Variants in CMKLR1 observed in about 807,000 individuals in gnomAD.
CMKLR1 encodes the protein chemerin-like receptor 1.
Under a neutral mutation model 8.2 loss-of-function variants are expected in CMKLR1, and 6 were observed. The observed-to-expected ratio is 0.73, with a 90% confidence interval of 0.40 to 1.44. CMKLR1 has a LOEUF of 1.44. CMKLR1 is among the 40% of genes most tolerant of loss of function. The pLI is 0.02. For synonymous variants in CMKLR1, 178 were observed against 181.2 expected (o/e 0.98, Z 0.14); for missense variants, 429 against 478.0 (o/e 0.90, Z 0.96).
In CMKLR1 at chr12:108,332,905, T is replaced by A. The variant is rs182230370; in HGVS notation, c.-286-2698A>T. 2.3e-3 allele frequency among the ~76,000 whole-genome samples: 351 copies of A among 151,868 alleles called. 2 individuals are homozygous for A. The highest frequency in any genetic ancestry group is 4.2e-3 in the Non-Finnish European group (285 of 67,968). Reference sequence around the variant, plus strand: ...GGGAGGATTACTTAAGCCCCAGAGGTCGAGGCTGCAAATGAGCTGTGATCA... The same window carrying A: ...GGGAGGATTACTTAAGCCCCAGAGGACGAGGCTGCAAATGAGCTGTGATCA... On this transcript the variant is annotated intron_variant, in intron 1 of 3. Transcript: ENST00000550402.
Position 108,289,194 on chromosome 12 carries a change from G to A in CMKLR1, c.*2647C>T, listed in dbSNP as rs183442423. 2.0e-5 allele frequency: 3 copies of A among 152,378 alleles called. No homozygotes were observed. Among genetic ancestry groups the A allele is most frequent in the East Asian group, 3.9e-4 (2 of 5,170 alleles). 9.4% of individuals were successfully genotyped at this position (152,378 alleles called of 1,614,324 possible). On this transcript the variant is annotated 3_prime_UTR_variant, in exon 4 of 4. Coordinates refer to ENST00000550402, the MANE Select transcript of CMKLR1 (RefSeq NM_001142343.2). ...TCAGCTCCCCCACCCCACCCAGGAG[G>A]CAGGGCTAAGTAAGGCCCCATCACT... is the stretch of plus-strand genomic sequence containing the variant.
At chr12:108,314,959 C>T (rs1343709103) in intron 2 of CMKLR1, among the ~76,000 whole-genome samples, 3 of 112,178 alleles carry the variant, frequency 2.7e-5, no homozygotes, top group East Asian at 2.8e-4. Flanking sequence ...TTTTTTGAGA[C>T]GGAGTTTTGC....
At chr12:108,323,401 G>A (rs572863912) in intron 2 of CMKLR1, among the ~76,000 whole-genome samples, 3 of 151,880 alleles carry the variant, frequency 2.0e-5, no homozygotes, top group African/African-American at 7.2e-5. Context: ...GTAAAAATGT[G>A]GACACAGGCT....
chr12:108,294,321 A>T (rs1249902507), intron 2 of CMKLR1, among the ~76,000 whole-genome samples: 1 of 152,184 alleles, frequency 6.6e-6, no homozygotes, highest in Non-Finnish European at 1.5e-5. Context: ...AAATATATCC[A>T]CTGAGCCTCC....
intron 2 of CMKLR1, among the ~76,000 whole-genome samples, chr12:108,295,225 A>G (rs1156765169): frequency 6.6e-6 from 1 of 152,242 alleles, no homozygotes; most frequent in Non-Finnish European, 1.5e-5. Flanking sequence ...GTCTCACTTT[A>G]ACCCCATAAG....
chr12:108,316,767 C>T (rs1288014764), intron 2 of CMKLR1, among the ~76,000 whole-genome samples: 2 of 152,152 alleles, frequency 1.3e-5, no homozygotes, highest in African/African-American at 4.8e-5. Flanking sequence ...CAGGGAGCTA[C>T]GGGCAAGGTG....
intron 1 of CMKLR1, among the ~76,000 whole-genome samples, chr12:108,330,835 G>C (rs559890700): frequency 1.3e-5 from 2 of 152,256 alleles, no homozygotes; most frequent in East Asian, 3.9e-4. Context: ...AGCTGAATGG[G>C]GGCTGCAGGC....
rs148180506 is a variant in CMKLR1 at position 108,313,713 on chromosome 12, T to C, written c.-74+16282A>G. Among the ~76,000 whole-genome samples, 90 of 152,334 alleles carry C rather than the reference T, an allele frequency of 5.9e-4. 1 individual carries two copies. The highest frequency in any genetic ancestry group is 2.1e-3 in the African/African-American group (88 of 41,588). On this transcript the variant is annotated intron_variant, in intron 2 of 3. Coordinates refer to ENST00000550402, the MANE Select transcript of CMKLR1 (RefSeq NM_001142343.2). Reference sequence around the variant, plus strand: ...ATGAAGAGACTGGCTCAAACAAACATGCCCTTTGGCTGTTATGTTTAAAGA... The same window carrying C: ...ATGAAGAGACTGGCTCAAACAAACACGCCCTTTGGCTGTTATGTTTAAAGA...
chr12:108,328,073 T>C (rs1345921091), intron 2 of CMKLR1, among the ~76,000 whole-genome samples: 1 of 151,898 alleles, frequency 6.6e-6, no homozygotes, highest in Admixed American at 6.6e-5. Flanking sequence ...CCTGATTTCC[T>C]TCACATCTGA....
intron 2 of CMKLR1, among the ~76,000 whole-genome samples, chr12:108,303,262 G>A (rs1438612643): frequency 6.6e-6 from 1 of 152,226 alleles, no homozygotes; most frequent in Non-Finnish European, 1.5e-5. Context: ...CCTGCTGGGG[G>A]TGGGATGGTC....
intron 2 of CMKLR1, among the ~76,000 whole-genome samples, chr12:108,315,427 T>G (rs1394525874): frequency 6.6e-6 from 1 of 152,184 alleles, no homozygotes; most frequent in African/African-American, 2.4e-5. Context: ...AGTGCCCCAG[T>G]CAGGACAATA....
At chr12:108,295,485 C>G (rs1891109757) in intron 2 of CMKLR1, among the ~76,000 whole-genome samples, 2 of 152,216 alleles carry the variant, frequency 1.3e-5, no homozygotes, top group South Asian at 4.1e-4. Context: ...TTACTAGGGT[C>G]CCTTCCCAAA....
At chr12:108,334,832 C>T (rs969972359) in intron 1 of CMKLR1, among the ~76,000 whole-genome samples, 1 of 152,164 alleles carries the variant, frequency 6.6e-6, no homozygotes, top group Non-Finnish European at 1.5e-5. Context: ...GAGGCCTTTC[C>T]ATGTAGGCTT....
At chr12:108,308,759 GA>G (rs544593289) in intron 2 of CMKLR1, among the ~76,000 whole-genome samples, 30 of 152,300 alleles carry the variant, frequency 2.0e-4, no homozygotes, top group Non-Finnish European at 4.4e-4. Context: ...GCTCAGCTCT[GA>G]AGGCCAAAGA....
intron 2 of CMKLR1, among the ~76,000 whole-genome samples, chr12:108,296,461 C>T (rs553249778): frequency 2.3e-4 from 35 of 152,308 alleles, no homozygotes; most frequent in African/African-American, 7.9e-4. Flanking sequence ...TGGGATGAGG[C>T]TAGGAAGCCA....
intron 2 of CMKLR1, among the ~76,000 whole-genome samples, chr12:108,304,979 T>C (rs1891370552): frequency 6.6e-6 from 1 of 152,180 alleles, no homozygotes; most frequent in Admixed American, 6.5e-5. Context: ...TTGGCCTGGC[T>C]CCTGTCCCCA....
chr12:108,316,558 A>T (rs1308782490), intron 2 of CMKLR1, among the ~76,000 whole-genome samples: 1 of 152,202 alleles, frequency 6.6e-6, no homozygotes, highest in Non-Finnish European at 1.5e-5. Flanking sequence ...AGAGGCAAGA[A>T]GAAAGGGACA....
intron 1 of CMKLR1, among the ~76,000 whole-genome samples, chr12:108,336,614 G>A (rs968461821): frequency 6.6e-6 from 1 of 152,086 alleles, no homozygotes; most frequent in East Asian, 1.9e-4. Context: ...TGCACTTTGA[G>A]AAGCTCTGAG....
intron 2 of CMKLR1, among the ~76,000 whole-genome samples, chr12:108,294,564 A>T (rs1891080522): frequency 6.6e-6 from 1 of 152,180 alleles, no homozygotes; most frequent in Non-Finnish European, 1.5e-5. Context: ...AATAAATGGG[A>T]TTTCTCACCT....
Sources: allele counts gnomAD v4.1 joint callset (sites outside exome capture counted in the v4.1 genomes callset), GRCh38; gene constraint gnomAD v4.1.1; transcripts MANE v1.5; gene names NCBI Gene and HGNC (gene_info 2026-07-23, HGNC 2026-07-21).